The following NBPF14 variants were observed in gnomAD, a reference collection of about 807,000 sequenced individuals.
The protein encoded by NBPF14 is NBPF member 14, also known as NBPF family member NBPF14.
Under a neutral mutation model 91.2 loss-of-function variants are expected in NBPF14, and 104 were observed. That is an observed-to-expected ratio of 1.14 (90% CI 0.97 to 1.34). The LOEUF (loss-of-function observed/expected upper bound fraction) is 1.34, where lower values mean the gene tolerates loss of function less well. Among genes scored for constraint, NBPF14 ranks in the 40% most tolerant of loss-of-function variants. The pLI is 0.00. For synonymous variants in NBPF14, 294 were observed against 303.8 expected, an observed-to-expected ratio of 0.97 and a Z score of 0.34; for missense variants, 908 against 783.0, an observed-to-expected ratio of 1.16 and a Z score of -1.91.
At chr1:148,576,214 T>C (rs1365795228) in intron 16 of NBPF14, among the ~76,000 whole-genome samples, 196 bp downstream of exon 16, 17 of 116,988 alleles carry the variant, frequency 1.5e-4, no homozygotes, top group African/African-American at 7.6e-4. Flanking sequence ...GGTCAACCTA[T>C]AGTAAGTGAG....
chr1:148,593,464 T>C (rs2149586961), intron 3 of NBPF14, 134 bp downstream of exon 3: 2 of 646,708 alleles, frequency 3.1e-6, no homozygotes, highest in East Asian at 5.4e-5. Context: ...TAAATATTTT[T>C]GTGTCATGAG....
At chr1:148,566,122 C>A (rs1658220419) in intron 29 of NBPF14, 21 bp downstream of exon 29, 2 of 474,100 alleles carry the variant, frequency 4.2e-6, no homozygotes, top group East Asian at 3.8e-5. Flanking sequence ...ATCCTTATCA[C>A]CTTCATAGAA....
chr1:148,535,140 T>C (rs1346819383), intron 68 of NBPF14, among the ~76,000 whole-genome samples: 3 of 147,990 alleles, frequency 2.0e-5, no homozygotes, highest in Non-Finnish European at 4.4e-5. Flanking sequence ...TCTGAGTTAG[T>C]GCCCTCGGGA....
At chr1:148,561,870 G>A (rs1657857420) in intron 34 of NBPF14, among the ~76,000 whole-genome samples, 1 of 134,214 alleles carries the variant, frequency 7.5e-6, no homozygotes, top group African/African-American at 3.7e-5. Flanking sequence ...AATTGTCCAG[G>A]TGACACACTG....
chr1:148,534,663 C>G (rs1654700720), intron 69 of NBPF14, 21 bp downstream of exon 69: 7 of 822,986 alleles, frequency 8.5e-6, no homozygotes, highest in South Asian at 1.3e-5. Context: ...AGGCTTATCA[C>G]CTTCATAGTA....
intron 40 of NBPF14, among the ~76,000 whole-genome samples, chr1:148,557,074 A>G (rs1489325829): frequency 8.0e-6 from 1 of 124,880 alleles, no homozygotes; most frequent in East Asian, 2.6e-4. Context: ...ACACACACAC[A>G]CACACACACA....
At chr1:148,534,602 G>A (rs1179875142) in intron 69 of NBPF14, 82 bp downstream of exon 69, 4 of 903,068 alleles carry the variant, frequency 4.4e-6, no homozygotes, top group African/African-American at 1.7e-5. Flanking sequence ...TCTCGGGTGA[G>A]TAAGGGCCAC....
chr1:148,571,272 C>CAG (rs1659119354), intron 22 of NBPF14, among the ~76,000 whole-genome samples: 1 of 65,366 alleles, frequency 1.5e-5, no homozygotes, highest in African/African-American at 9.9e-5. Flanking sequence ...CACACACACA[C>CAG]ACAGAGAGAG....
exon 15 of NBPF14, chr1:148,577,245 G>C: frequency 1.5e-6 from 1 of 666,964 alleles, no homozygotes. Context: ...ACTTCTGTAG[G>C]GCTGGCATGA....
At chr1:148,534,993 G>T in intron 68 of NBPF14, 137 bp from the exon 69 acceptor site, 2 of 713,638 alleles carry the variant, frequency 2.8e-6, no homozygotes, top group South Asian at 1.5e-5. Context: ...ACGAATTATT[G>T]CCTTTATGTT....
chr1:148,532,435 C>T (rs1304105001), exon 71 of NBPF14: 2 of 158,572 alleles, frequency 1.3e-5, no homozygotes, highest in African/African-American at 4.9e-5. Flanking sequence ...TAAGTACTGA[C>T]ACCAATTGGA....
chr1:148,539,381 G>A lies in NBPF14; in HGVS notation c.7882+29C>T. 4.4e-6 allele frequency: 2 copies of A among 458,758 alleles called. 1 individual carries two copies. The highest frequency in any genetic ancestry group is 7.3e-6 in the Non-Finnish European group (2 of 272,334). 28.4% of individuals were successfully genotyped at this position (458,758 alleles called of 1,614,324 possible). On this transcript the variant is annotated intron_variant, in intron 63 of 70. Transcript: ENST00000619423. ...CCCCTATCTGGAAGACCAGGTGGAG[G>A]CTTATCACCTTCACAGTAAGGTACT...
rs1661679270 is a variant in NBPF14, at chr1:148,587,161, T to C, written c.1091+140A>G. 5 of 698,448 alleles carry C rather than the reference T, an allele frequency of 7.2e-6. No individual in the cohort carries two copies. In the Admixed American group the frequency reaches 8.8e-5, roughly 12 times the overall value. 43.3% of individuals were successfully genotyped at this position (698,448 alleles called of 1,614,324 possible). On this transcript the variant is annotated intron_variant, in intron 8 of 70. Transcript: ENST00000619423. ...TTTACTATCCTTCTTCTCTGATAAA[T>C]ATTTGTGTGTAGCGAGCCTGCCATG...
chr1:148,591,665 G>C (rs1427215494), intron 4 of NBPF14, among the ~76,000 whole-genome samples, 161 bp from the exon 5 acceptor site: 228 of 139,720 alleles, frequency 1.6e-3, no homozygotes, highest in South Asian at 9.9e-3. Context: ...TGGTTTCCTG[G>C]TCCATCGGGC....
At chr1:148,557,130 A>G (rs1396617824) in intron 40 of NBPF14, among the ~76,000 whole-genome samples, 1,353 of 121,638 alleles carry the variant, frequency 0.011, no homozygotes, top group Non-Finnish European at 0.016. Context: ...TCCAGGTGAC[A>G]CACTGATGAG....
Position 148,579,178 on chromosome 1 carries a change from G to A in NBPF14, c.1697C>T (p.Ser566Leu), listed in dbSNP as rs1465821393. The A allele has an allele frequency of 4.0e-4, 176 of 443,116 alleles. 2 individuals are homozygous for A. Among genetic ancestry groups the A allele is most frequent in the Middle Eastern group, 3.9e-3 (7 of 1,814 alleles). The allele number at this position is 443,116 out of a possible 1,614,324, so 27.4% of individuals were successfully genotyped here. A position where few individuals can be genotyped will look rare whatever the true frequency, so the allele number is the denominator to read the frequency against. Reference sequence around the variant, plus strand: ...CATTTCAGGAGGAATTGAGAGAGTCGAATAACCTTCATCCCAGGACTCCTG... The same window carrying A: ...CATTTCAGGAGGAATTGAGAGAGTCAAATAACCTTCATCCCAGGACTCCTG... Residue 566 changes from serine (S) to leucine (L), a missense_variant, in exon 13 of 71, where the codon TCG becomes TTG. By Grantham distance (145) the Ser-to-Leu change is moderately radical (BLOSUM62 -2). Transcript: ENST00000619423.
chr1:148,580,828 C>A lies in NBPF14; in HGVS notation c.1638-1591G>T, dbSNP rs1660790872. On this transcript the variant is annotated intron_variant, in intron 12 of 70. Transcript: ENST00000619423. ...TTTTTTTTCCATATGTATAGTTTTC[C>A]TTTATTATTTTTTGTGTGTATGTAT... Among the ~76,000 whole-genome samples, 2 of 109,074 alleles carry A rather than the reference C, an allele frequency of 1.8e-5. 1 individual carries two copies. The highest frequency in any genetic ancestry group is 6.8e-4 in the South Asian group (2 of 2,948). The allele number at this position is 109,074 out of a possible 152,430, so 71.6% of individuals were successfully genotyped here.
chr1:148,535,122 A>C (rs1319152727), intron 68 of NBPF14, among the ~76,000 whole-genome samples: 1 of 146,896 alleles, frequency 6.8e-6, no homozygotes, highest in Non-Finnish European at 1.5e-5. Flanking sequence ...GAAGGGGTCA[A>C]AGGACACTCT....
exon 70 of NBPF14, chr1:148,533,875 G>A: frequency 1.3e-6 from 1 of 763,614 alleles, no homozygotes; most frequent in Non-Finnish European, 2.4e-6. Context: ...GGCATGGTGG[G>A]TTTTGATCTT....
Sources: allele counts gnomAD v4.1 joint callset (sites outside exome capture counted in the v4.1 genomes callset), GRCh38; gene constraint gnomAD v4.1.1; transcripts MANE v1.5; gene names NCBI Gene and HGNC (gene_info 2026-07-23, HGNC 2026-07-21).